The following SORCS3 variants were observed in gnomAD, a reference collection of about 807,000 sequenced individuals.
SORCS3 encodes the protein sortilin related VPS10 domain containing receptor 3, also known as VPS10 domain-containing receptor SorCS3.
Under a neutral mutation model 146.3 loss-of-function variants are expected in SORCS3, and 57 were observed. The observed-to-expected ratio is 0.39, with a 90% CI of 0.31 to 0.49. The LOEUF is 0.49. Among genes scored for constraint, SORCS3 ranks in the 20% least tolerant of loss-of-function variants. The pLI is 0.92. For synonymous variants in SORCS3, 653 were observed against 618.5 expected (o/e 1.06, Z -0.83); for missense variants, 1,341 against 1,575.5 (o/e 0.85, Z 2.52).
intron 1 of SORCS3, among the ~76,000 whole-genome samples, chr10:104,788,664 C>T (rs2017464289): frequency 6.6e-6 from 1 of 152,174 alleles, no homozygotes; most frequent in Non-Finnish European, 1.5e-5. Flanking sequence ...TTTCTCAAAT[C>T]ACTTAATGTT....
chr10:104,778,425 TA>T (rs1244251857), intron 1 of SORCS3, among the ~76,000 whole-genome samples: 4 of 152,262 alleles, frequency 2.6e-5, no homozygotes, highest in Non-Finnish European at 5.9e-5. Context: ...ATCTGGATTT[TA>T]ATGTCAGCTC....
intron 16 of SORCS3, among the ~76,000 whole-genome samples, chr10:105,208,366 G>T (rs953868289): frequency 1.3e-5 from 2 of 149,576 alleles, no homozygotes; most frequent in African/African-American, 4.9e-5. Context: ...AAAAAAAAGA[G>T]AAATAAGAGA....
At chr10:104,978,174 C>A (rs1211144250) in intron 4 of SORCS3, among the ~76,000 whole-genome samples, 1 of 152,160 alleles carries the variant, frequency 6.6e-6, no homozygotes, top group Non-Finnish European at 1.5e-5. Flanking sequence ...ACCCTCCAAG[C>A]TAGAAGCTAG....
intron 4 of SORCS3, among the ~76,000 whole-genome samples, chr10:105,032,497 A>G (rs1489777519): frequency 2.0e-5 from 3 of 152,258 alleles, no homozygotes; most frequent in African/African-American, 7.2e-5. Flanking sequence ...TTCTTCCTAT[A>G]ATATTTTGAA....
chr10:104,800,065 C>T (rs1449836386), intron 1 of SORCS3, among the ~76,000 whole-genome samples: 1 of 151,976 alleles, frequency 6.6e-6, no homozygotes, highest in African/African-American at 2.4e-5. Context: ...TACATAATTG[C>T]CAAAACTTGG....
intron 1 of SORCS3, chr10:104,666,144 C>T (rs2015773655): frequency 6.6e-6 from 1 of 152,180 alleles, no homozygotes; most frequent in African/African-American, 2.4e-5. Context: ...CATTCCTTGC[C>T]ATCCCCTGGG....
At chr10:104,696,472 G>GAATATATAT (rs1325737234) in intron 1 of SORCS3, among the ~76,000 whole-genome samples, 1 of 17,584 alleles carries the variant, frequency 5.7e-5, no homozygotes, top group African/African-American at 1.2e-4. Flanking sequence ...ATAATATATA[G>GAATATATAT]AATATAGAAT....
intron 1 of SORCS3, among the ~76,000 whole-genome samples, chr10:104,642,840 C>T (rs947933749): frequency 6.6e-6 from 1 of 152,190 alleles, no homozygotes; most frequent in African/African-American, 2.4e-5. Context: ...CAAGGATGTA[C>T]CGAGAGGTGG....
intron 6 of SORCS3, among the ~76,000 whole-genome samples, chr10:105,092,608 AACACACACAC>A (rs61665816): frequency 6.8e-6 from 1 of 147,268 alleles, no homozygotes; most frequent in Admixed American, 6.8e-5. Context: ...TGCATTCACA[AACACACACAC>A]ACACACACAC....
intron 7 of SORCS3, among the ~76,000 whole-genome samples, chr10:105,126,231 A>G (rs1291575548): frequency 2.0e-5 from 3 of 152,088 alleles, no homozygotes; most frequent in African/African-American, 7.2e-5. Context: ...ACACACAGCA[A>G]ACAAACAAAA....
At chr10:104,649,622 C>T (rs188156521) in intron 1 of SORCS3, among the ~76,000 whole-genome samples, 2 of 152,274 alleles carry the variant, frequency 1.3e-5, no homozygotes, top group East Asian at 3.9e-4. Context: ...TAGTTCATGT[C>T]CCCAGTCAAT....
rs536483890 is a variant in SORCS3 at position 105,026,833 on chromosome 10, G to A, written c.955-16222G>A. 2.6e-5 allele frequency among the ~76,000 whole-genome samples: 4 copies of A among 152,262 alleles called. No homozygotes were observed. In the South Asian group the frequency reaches 8.3e-4, roughly 32 times the overall value. The stretch of plus-strand genomic sequence containing the variant: ...TATATACTGCGGACTACAAGAGGTG[G>A]GTGGGGGAAGGGGACCAAGGGGTGA... On this transcript the variant is annotated intron_variant, in intron 4 of 26. Transcript: ENST00000369701.
intron 1 of SORCS3, among the ~76,000 whole-genome samples, chr10:104,792,017 C>T (rs2017500337): frequency 6.6e-6 from 1 of 151,868 alleles, no homozygotes; most frequent in Non-Finnish European, 1.5e-5. Context: ...TTTTTTTCCC[C>T]TAACAAAGTC....
intron 1 of SORCS3, among the ~76,000 whole-genome samples, chr10:104,645,020 C>T (rs980477974): frequency 1.3e-5 from 2 of 152,148 alleles, no homozygotes; most frequent in Non-Finnish European, 2.9e-5. Flanking sequence ...GGGTATTTGC[C>T]TTGGTCCCAG....
At chr10:105,011,675 CAG>C (rs1283407277) in intron 4 of SORCS3, among the ~76,000 whole-genome samples, 1 of 152,146 alleles carries the variant, frequency 6.6e-6, no homozygotes, top group African/African-American at 2.4e-5. Flanking sequence ...TAGTGGCCAA[CAG>C]TGGTGAGAAG....
chr10:104,971,985 T>G (rs1376266131), intron 3 of SORCS3, among the ~76,000 whole-genome samples: 1 of 152,142 alleles, frequency 6.6e-6, no homozygotes, highest in Non-Finnish European at 1.5e-5. Flanking sequence ...TTTGTCTATC[T>G]TTAGAGAGAT....
chr10:104,722,715 A>G (rs2016565660), intron 1 of SORCS3, among the ~76,000 whole-genome samples: 1 of 152,100 alleles, frequency 6.6e-6, no homozygotes, highest in Admixed American at 6.6e-5. Flanking sequence ...GGGAGGGTGT[A>G]TGTGTCGAGG....
At chr10:105,038,901 T>C (rs2055321865) in intron 4 of SORCS3, among the ~76,000 whole-genome samples, 1 of 152,192 alleles carries the variant, frequency 6.6e-6, no homozygotes, top group African/African-American at 2.4e-5. Flanking sequence ...ATCACAAAAG[T>C]AATATTTATT....
intron 11 of SORCS3, among the ~76,000 whole-genome samples, chr10:105,163,469 T>A (rs1339358258): frequency 6.6e-6 from 1 of 152,200 alleles, no homozygotes; most frequent in African/African-American, 2.4e-5. Flanking sequence ...TTCCCATTCA[T>A]TCATTCCACA....
Sources: allele counts gnomAD v4.1 joint callset (sites outside exome capture counted in the v4.1 genomes callset), GRCh38; gene constraint gnomAD v4.1.1; transcripts MANE v1.5; gene names NCBI Gene and HGNC (gene_info 2026-07-23, HGNC 2026-07-21).